The following PAXBP1 variants were observed in gnomAD, a reference collection of about 807,000 sequenced individuals.
PAXBP1 encodes the protein PAX3 and PAX7 binding protein 1.
PAXBP1 carries 44 observed loss-of-function variants against 119.9 expected under a neutral mutation model. The observed-to-expected ratio is 0.37, with a 90% confidence interval of 0.29 to 0.47. PAXBP1 has a LOEUF of 0.47. PAXBP1 is among the 20% of genes least tolerant of loss of function. The probability of loss-of-function intolerance (pLI) is 0.99; values close to 1 mark genes in which losing one functional copy is unlikely to be tolerated. For missense variants in PAXBP1, 898 were observed against 1,134.1 expected (o/e 0.79, Z 2.99); for synonymous variants, 393 against 406.6 (o/e 0.97, Z 0.40).
chr21:32,751,047 T>C lies in PAXBP1; in HGVS notation c.1608-15A>G. 6.2e-7 allele frequency: 1 copy of C among 1,613,462 alleles called. No individual in the cohort carries two copies. Among genetic ancestry groups the C allele is most frequent in the South Asian group, 1.1e-5 (1 of 90,984 alleles). On this transcript the variant is annotated splice_polypyrimidine_tract_variant and intron_variant, in intron 9 of 17. Coordinates refer to ENST00000331923, the MANE Select transcript of PAXBP1 (RefSeq NM_016631.4). ...TACGACGAGTCCTAAATAATAAACA[T>C]CAAGTTCCCAAACTAGATAACAGAG...
At chr21:32,736,631 C>T (rs1294661558) in intron 17 of PAXBP1, among the ~76,000 whole-genome samples, 1 of 152,030 alleles carries the variant, frequency 6.6e-6, no homozygotes. Flanking sequence ...GTGATCTAAA[C>T]AAAAATTAGA....
intron 7 of PAXBP1, among the ~76,000 whole-genome samples, chr21:32,757,208 T>C (rs2044057514): frequency 6.6e-6 from 1 of 152,200 alleles, no homozygotes; most frequent in Admixed American, 6.5e-5. Context: ...ATTATTATAG[T>C]ATAATTATTC....
At chr21:32,753,425 C>CAAAAAAAAAAAAAAAAAAAA (rs757858309) in intron 8 of PAXBP1, among the ~76,000 whole-genome samples, 1 of 91,000 alleles carries the variant, frequency 1.1e-5, no homozygotes, top group African/African-American at 4.0e-5. Flanking sequence ...GACTCCGTCT[C>CAAAAAAAAAAAAAAAAAAAA]AAAAAAAAAA....
At chr21:32,748,028 C>T (rs1465368853) in intron 11 of PAXBP1, among the ~76,000 whole-genome samples, 1 of 151,710 alleles carries the variant, frequency 6.6e-6, no homozygotes, top group African/African-American at 2.4e-5. Flanking sequence ...CTCAAACAAT[C>T]CTCCCGCCTT....
intron 2 of PAXBP1, among the ~76,000 whole-genome samples, chr21:32,765,714 C>CT (rs112471797): frequency 0.082 from 11,953 of 146,628 alleles, 597 homozygotes; most frequent in South Asian, 0.15. Flanking sequence ...CATTTTTTTT[C>CT]TTTTTTTTTT....
Position 32,743,237 on chromosome 21 carries a change from T to C in PAXBP1, c.2334+11A>G, listed in dbSNP as rs201812804. On this transcript the variant is annotated intron_variant, in intron 15 of 17. Transcript: ENST00000331923. Reference sequence around the variant, plus strand: ...AAATCTGAGTCTTTTAGATAGTCTATGGACACGTACCTTAACTGAAGACCA... The same window carrying C: ...AAATCTGAGTCTTTTAGATAGTCTACGGACACGTACCTTAACTGAAGACCA... 222 of 1,568,442 alleles carry C rather than the reference T, an allele frequency of 1.4e-4. 1 individual carries two copies. In the East Asian group the frequency reaches 4.9e-3, roughly 35 times the overall value.
At chr21:32,756,548 A>G (rs184688742) in intron 7 of PAXBP1, 2 of 341,398 alleles carry the variant, frequency 5.9e-6, no homozygotes, top group Admixed American at 9.5e-5. Flanking sequence ...CCAAATCTGT[A>G]ATGATTATCC....
chr21:32,771,360 C>T lies in PAXBP1; in HGVS notation c.309G>A (p.Arg103=). ...CGTCCTGGAAGCTGAGCAGGCTGGC[C>T]CGGGGCACCTCTTTGTTCTCGCGAG... ...KRPRENKEVP[R]ASLLSFQDEE... is the part of the protein sequence containing the mutation. The change falls in exon 1 of 18, where the codon CGG becomes CGA. Residue 103 remains arginine, a synonymous_variant. Transcript: ENST00000331923. The T allele has an allele frequency of 1.9e-6, 3 of 1,585,602 alleles. No individual in the cohort carries two copies. The highest frequency in any genetic ancestry group is 1.7e-5 in the Admixed American group (1 of 59,330).
Position 32,769,946 on chromosome 21 carries a change from A to C in PAXBP1, c.344-4T>G. On this transcript the variant is annotated splice_region_variant and splice_polypyrimidine_tract_variant and intron_variant, in intron 1 of 17. Transcript: ENST00000331923. ...ACTTTGAAAACTTCTTCATTTTCTT[A>C]AAAAGGAAATTAAATGAAGTCTGTA... 1 of 1,515,380 alleles carries C rather than the reference A, an allele frequency of 6.6e-7. No individual in the cohort carries two copies. The allele number at this position is 1,515,380 out of a possible 1,614,324, so 93.9% of individuals were successfully genotyped here.
At chr21:32,738,006 A>G (rs918777654) in intron 16 of PAXBP1, among the ~76,000 whole-genome samples, 167 bp downstream of exon 16, 2 of 152,184 alleles carry the variant, frequency 1.3e-5, no homozygotes, top group Admixed American at 6.5e-5. Context: ...TATGTAAAAA[A>G]TGCTGTAGGG....
chr21:32,745,464 T>C, intron 12 of PAXBP1, 110 bp downstream of exon 12: 1 of 1,463,926 alleles, frequency 6.8e-7, no homozygotes, highest in Non-Finnish European at 9.3e-7. Flanking sequence ...GTAACTATTA[T>C]TTCTCATGTA....
Position 32,771,510 on chromosome 21 carries a change from C to T in PAXBP1, c.159G>A (p.Gly53=), listed in dbSNP as rs1365487378. ...ACGGCCCCGGGCCCAGCAGCGACTC[C>T]CCGCCAGGGGCCCTGTCGCCGCCAC... The part of the protein sequence containing the change: ...GPGGGDRAPG[G]ESLLGPGPSP... Residue 53 remains glycine, a synonymous_variant, in exon 1 of 18, where the codon GGG becomes GGA. Transcript: ENST00000331923. 2.3e-6 allele frequency: 3 copies of T among 1,326,224 alleles called. No individual in the cohort carries two copies. Among genetic ancestry groups the T allele is most frequent in the Admixed American group, 4.2e-5 (1 of 24,058 alleles). 82.2% of individuals were successfully genotyped at this position (1,326,224 alleles called of 1,614,324 possible).
At chr21:32,758,469 A>C (rs2044079211) in intron 7 of PAXBP1, among the ~76,000 whole-genome samples, 1 of 152,120 alleles carries the variant, frequency 6.6e-6, no homozygotes, top group African/African-American at 2.4e-5. Flanking sequence ...GTAAACAATA[A>C]ATAGTATAAG....
At chr21:32,737,175 A>C in intron 17 of PAXBP1, 79 bp downstream of exon 17, 2 of 1,111,878 alleles carry the variant, frequency 1.8e-6, no homozygotes, top group African/African-American at 1.6e-5. Flanking sequence ...AAATATAAAC[A>C]TCTCTACTTA....
intron 8 of PAXBP1, 146 bp from the exon 9 acceptor site, chr21:32,751,364 G>A (rs1173304479): frequency 1.9e-5 from 12 of 618,934 alleles, no homozygotes; most frequent in Non-Finnish European, 2.8e-6. Context: ...TAGGTTTTTG[G>A]TTTAGAACAA....
Position 32,759,100 on chromosome 21 carries a change from G to T in PAXBP1, c.1363C>A (p.Leu455Ile). The change falls in exon 7 of 18, where the codon CTT (leucine) becomes ATT (isoleucine). Residue 455 changes from leucine (L) to isoleucine (I), a missense_variant. By Grantham distance (5) the Leu-to-Ile change is conservative. This residue lies in a region of PAXBP1 where 599 missense variants were observed against 852.7 expected (regional missense o/e 0.70). Transcript: ENST00000331923. ...QEMRGYVQDL[L>I]ECFSEKVPLI... ...CTTACCTTTTCACTGAAACACTCAAGCAAGTCTTGGACATACCCTCGCATT... is the reference window on the plus strand; with the variant it reads ...CTTACCTTTTCACTGAAACACTCAATCAAGTCTTGGACATACCCTCGCATT... The T allele has an allele frequency of 1.9e-6, 3 of 1,613,472 alleles. No homozygotes were observed. The highest frequency in any genetic ancestry group is 2.5e-6 in the Non-Finnish European group (3 of 1,179,664).
chr21:32,756,233 C>T (rs1601600007), intron 7 of PAXBP1: 1 of 512,264 alleles, frequency 2.0e-6, no homozygotes, highest in East Asian at 5.6e-5. Context: ...TTTCACGTAA[C>T]ACTAATGACC....
intron 5 of PAXBP1, among the ~76,000 whole-genome samples, chr21:32,760,748 T>C (rs1248442557): frequency 2.6e-5 from 4 of 152,306 alleles, no homozygotes; most frequent in African/African-American, 7.2e-5. Flanking sequence ...TTTGCGTTTC[T>C]AATGAGCTAC....
chr21:32,750,831 G>C (rs2043946795), intron 10 of PAXBP1, 86 bp downstream of exon 10: 1 of 988,062 alleles, frequency 1.0e-6, no homozygotes, highest in African/African-American at 1.6e-5. Flanking sequence ...CAGAGACCAT[G>C]AAGATTCAAA....
Sources: gnomAD v4.1 joint callset for allele counts (sites outside exome capture counted in the v4.1 genomes callset) on GRCh38, gnomAD v4.1.1 for gene constraint, gnomAD v4.1.1 regional missense constraint, MANE v1.5 for transcripts, NCBI Gene and HGNC (gene_info 2026-07-23, HGNC 2026-07-21) for gene names.